The following RNF38 variants were observed in gnomAD, a reference collection of about 807,000 sequenced individuals.
RNF38 encodes ring finger protein 38, also known as E3 ubiquitin-protein ligase RNF38.
In RNF38, 15 loss-of-function variants were observed where a neutral mutation model predicts 67.2. That is an observed-to-expected ratio of 0.22 (90% CI 0.15 to 0.34). The LOEUF (loss-of-function observed/expected upper bound fraction) is 0.34. RNF38 is among the 10% of genes least tolerant of loss of function. RNF38 has a pLI of 1.00. For missense variants in RNF38, 524 were observed against 639.9 expected, an observed-to-expected ratio of 0.82 and a Z score of 1.95; for synonymous variants, 220 against 218.8, an observed-to-expected ratio of 1.01 and a Z score of -0.05.
At chr9:36,340,476 T>C (rs969269330) in intron 11 of RNF38, among the ~76,000 whole-genome samples, 1 of 152,202 alleles carries the variant, frequency 6.6e-6, no homozygotes, top group Non-Finnish European at 1.5e-5. Flanking sequence ...CTTGAACTCC[T>C]GGGCCTAAGT....
chr9:36,381,303 C>A (rs1162732802), intron 2 of RNF38, among the ~76,000 whole-genome samples: 1 of 152,140 alleles, frequency 6.6e-6, no homozygotes, highest in Non-Finnish European at 1.5e-5. Flanking sequence ...AATGACTGAA[C>A]TGACTCTCTC....
At chr9:36,362,313 G>A (rs994489188) in intron 4 of RNF38, among the ~76,000 whole-genome samples, 2 of 151,734 alleles carry the variant, frequency 1.3e-5, no homozygotes, top group African/African-American at 4.8e-5. Flanking sequence ...AGCCAAGATC[G>A]AGCCATTGCA....
At chr9:36,478,043 A>G (rs1840161453) in intron 1 of RNF38, among the ~76,000 whole-genome samples, 1 of 150,042 alleles carries the variant, frequency 6.7e-6, no homozygotes, top group Admixed American at 6.7e-5. Context: ...TGAGATACCA[A>G]GTAATACAGT....
chr9:36,389,751 T>TAA (rs1836927883), intron 2 of RNF38, among the ~76,000 whole-genome samples: 2 of 152,164 alleles, frequency 1.3e-5, no homozygotes, highest in African/African-American at 4.8e-5. Flanking sequence ...GCCTTGATGA[T>TAA]CAATTATTTC....
chr9:36,458,516 T>C (rs1177706821), intron 1 of RNF38, among the ~76,000 whole-genome samples: 1 of 152,168 alleles, frequency 6.6e-6, no homozygotes, highest in Non-Finnish European at 1.5e-5. Context: ...GCTTCATTCC[T>C]GAAGTCAGCG....
At chr9:36,472,932 G>C (rs1005448835) in intron 1 of RNF38, among the ~76,000 whole-genome samples, 2 of 150,534 alleles carry the variant, frequency 1.3e-5, no homozygotes, top group African/African-American at 4.9e-5. Context: ...AGGAGTTCAG[G>C]ACCAGCCTGG....
chr9:36,345,683 C>A (rs1833174741), intron 9 of RNF38, among the ~76,000 whole-genome samples: 1 of 152,142 alleles, frequency 6.6e-6, no homozygotes, highest in Non-Finnish European at 1.5e-5. Context: ...CATCAAATGA[C>A]CAATTAACGT....
In RNF38 at chr9:36,390,571, T is replaced by C. The variant is rs757972389; in HGVS notation, c.58A>G (p.Lys20Glu). The change falls in exon 2 of 12, where the codon AAG becomes GAG. Residue 20 changes from lysine to glutamate, a missense_variant. Around this residue, in one of 2 missense-constraint regions of RNF38, gnomAD observed 461 missense variants for 517.4 expected, o/e 0.89. Coordinates refer to ENST00000259605, the MANE Select transcript of RNF38 (RefSeq NM_022781.5). ...AGTCTCACCCTTTCACAAATCACCTTGTTAGGATGGCCAGGTAGAGATGCT... is the reference window on the plus strand; with the variant it reads ...AGTCTCACCCTTTCACAAATCACCTCGTTAGGATGGCCAGGTAGAGATGCT... Reference protein sequence around the residue: ...NSASLPGHPNKVICERVRLQS... With the variant: ...NSASLPGHPNEVICERVRLQS... The C allele has an allele frequency of 5.6e-6, 9 of 1,613,816 alleles. No individual in the cohort carries two copies. In the Admixed American group the frequency reaches 6.7e-5, roughly 12 times the overall value.
At chr9:36,457,635 T>C (rs776470954) in intron 1 of RNF38, among the ~76,000 whole-genome samples, 3 of 152,152 alleles carry the variant, frequency 2.0e-5, no homozygotes, top group Non-Finnish European at 4.4e-5. Context: ...GGACTGGGCA[T>C]GGTGGCTCAC....
intron 2 of RNF38, among the ~76,000 whole-genome samples, chr9:36,408,739 A>G (rs1321087160): frequency 6.6e-6 from 1 of 152,166 alleles, no homozygotes. Context: ...ATACCTGGAG[A>G]GGAAAGCCAG....
At position 36,367,980 on chromosome 9, in the gene RNF38, T is replaced by C. The variant is rs184386073; in HGVS notation, c.570+1739A>G. ...GCTTCTCCTGCTTCAGCCTCCCTAG[T>C]AGCTGGGATTACAGGTGCCTGCCAT... On this transcript the variant is annotated intron_variant, in intron 4 of 11. Transcript: ENST00000259605. 1.3e-4 allele frequency among the ~76,000 whole-genome samples: 20 copies of C among 152,286 alleles called. No homozygotes were observed. In the East Asian group the frequency reaches 2.5e-3, roughly 19 times the overall value.
At chr9:36,485,010 CAAA>C (rs998285873) in intron 1 of RNF38, among the ~76,000 whole-genome samples, 1 of 150,884 alleles carries the variant, frequency 6.6e-6, no homozygotes, top group Non-Finnish European at 1.5e-5. Flanking sequence ...ACTAAAAATA[CAAA>C]AAAAAATTAG....
chr9:36,376,197 G>C (rs975273256), intron 2 of RNF38, 70 bp from the exon 3 acceptor site: 1 of 1,157,206 alleles, frequency 8.6e-7, no homozygotes, highest in Non-Finnish European at 1.2e-6. Flanking sequence ...CATATGCACA[G>C]GTGTTAGGAT....
At chr9:36,468,966 G>A (rs896630600) in intron 1 of RNF38, among the ~76,000 whole-genome samples, 2 of 151,990 alleles carry the variant, frequency 1.3e-5, no homozygotes, top group Non-Finnish European at 2.9e-5. Context: ...ACAAAAATTA[G>A]CTGGGCATGG....
At chr9:36,415,121 A>C (rs1838427081) in intron 2 of RNF38, among the ~76,000 whole-genome samples, 1 of 152,212 alleles carries the variant, frequency 6.6e-6, no homozygotes, top group Admixed American at 6.5e-5. Flanking sequence ...TTCCTCAATC[A>C]TTCCCTCAAA....
At chr9:36,351,066 T>C in intron 9 of RNF38, 49 bp downstream of exon 9, 2 of 1,325,146 alleles carry the variant, frequency 1.5e-6, no homozygotes, top group Non-Finnish European at 2.1e-6. Context: ...AGAATAATAC[T>C]TTCATGCACA....
chr9:36,374,137 T>C (rs1198754320), intron 3 of RNF38, among the ~76,000 whole-genome samples: 3 of 152,220 alleles, frequency 2.0e-5, no homozygotes, highest in East Asian at 1.9e-4. Flanking sequence ...CCATATACTA[T>C]CTTACCTAAA....
rs371744534 is a variant in RNF38, at chr9:36,339,343, C to T, written c.*409G>A. The T allele has an allele frequency of 3.7e-4, 66 of 179,670 alleles. No individual in the cohort carries two copies. Among genetic ancestry groups the T allele is most frequent in the Admixed American group, 3.5e-3 (64 of 18,172 alleles). The allele number at this position is 179,670 out of a possible 1,614,324, so 11.1% of individuals were successfully genotyped here. On this transcript the variant is annotated 3_prime_UTR_variant, in exon 12 of 12. Coordinates refer to ENST00000259605, the MANE Select transcript of RNF38 (RefSeq NM_022781.5). ...ACTTATCACCAACAGTCATACGCTG[C>T]GCATTCATTTCCACTCACAGTTTCT...
At chr9:36,423,948 C>CAAAAA (rs1176900248) in intron 2 of RNF38, among the ~76,000 whole-genome samples, 86 of 6,674 alleles carry the variant, frequency 0.013, no homozygotes, top group Non-Finnish European at 0.022. Flanking sequence ...GACTCCGTCT[C>CAAAAA]AAAAAAAAAA....
Sources: allele counts gnomAD v4.1 joint callset (sites outside exome capture counted in the v4.1 genomes callset), GRCh38; gene constraint gnomAD v4.1.1; regional missense constraint gnomAD v4.1.1; transcripts MANE v1.5; gene names NCBI Gene and HGNC (gene_info 2026-07-23, HGNC 2026-07-21).